FNDC3B: variants seen among roughly 807,000 people sequenced by gnomAD.
The protein encoded by FNDC3B is fibronectin type III domain containing 3B, also known as fibronectin type III domain-containing protein 3B.
A neutral mutation model predicts 151.5 loss-of-function variants in FNDC3B; 12 were observed. The observed-to-expected ratio is 0.08, with a 90% CI of 0.05 to 0.13. The LOEUF (loss-of-function observed/expected upper bound fraction) is 0.13. Among genes scored for constraint, FNDC3B ranks in the 10% least tolerant of loss-of-function variants. The pLI is 1.00. For synonymous variants in FNDC3B, 528 were observed against 549.0 expected, an observed-to-expected ratio of 0.96 and a Z score of 0.54; for missense variants, 1,214 against 1,505.3, an observed-to-expected ratio of 0.81 and a Z score of 3.20.
At chr3:172,161,855 A>G (rs917832354) in intron 3 of FNDC3B, among the ~76,000 whole-genome samples, 1 of 152,064 alleles carries the variant, frequency 6.6e-6, no homozygotes, top group African/African-American at 2.4e-5. Context: ...TGATTCCCCT[A>G]CATCCCCAGC....
chr3:172,365,714 A>C (rs1263508692), intron 23 of FNDC3B, among the ~76,000 whole-genome samples: 1 of 152,244 alleles, frequency 6.6e-6, no homozygotes, highest in African/African-American at 2.4e-5. Flanking sequence ...ACACTTTATA[A>C]ACAGGCATTG....
Position 172,343,095 on chromosome 3 carries a change from A to G in FNDC3B, c.2056A>G (p.Lys686Glu). The change falls in exon 18 of 26, where the codon AAA becomes GAA. Residue 686 changes from lysine (K) to glutamate (E), a missense_variant. Around this residue, in one of 7 missense-constraint regions of FNDC3B, gnomAD observed 380 missense variants for 420.9 expected, o/e 0.90. Coordinates refer to ENST00000415807, the MANE Select transcript of FNDC3B (RefSeq NM_022763.4). ...GAGGGTTTTGGGTAGACCAAAGCAC[A>G]AAGAAGTCCACTTAGAGTGGGGTGA... ...PPRVLGRPKHKEVHLEWDVPA... is the reference protein window; with the variant it reads ...PPRVLGRPKHEEVHLEWDVPA... The G allele has an allele frequency of 6.2e-7, 1 of 1,604,606 alleles. No homozygotes were observed. Among genetic ancestry groups the G allele is most frequent in the African/African-American group, 1.3e-5 (1 of 74,870 alleles).
intron 1 of FNDC3B, among the ~76,000 whole-genome samples, chr3:172,057,264 C>T (rs956602929): frequency 6.6e-6 from 1 of 152,176 alleles, no homozygotes; most frequent in Non-Finnish European, 1.5e-5. Flanking sequence ...CTCTGGGTCA[C>T]CACTGCAGAC....
At chr3:172,362,966 C>A (rs1734438231) in intron 23 of FNDC3B, 121 bp downstream of exon 23, 6 of 755,652 alleles carry the variant, frequency 7.9e-6, no homozygotes, top group Non-Finnish European at 1.3e-5. Flanking sequence ...CAGAGGCTTC[C>A]TTTGACTTGA....
In FNDC3B at chr3:172,148,870, C is replaced by T. The variant is rs139910576; in HGVS notation, c.187+15324C>T. On this transcript the variant is annotated intron_variant, in intron 3 of 25. Transcript: ENST00000415807. ...ATCAGCAATTAACATTCCTCAGAAG[C>T]GAATAGAATGCCAGGCTCCATCTCA... 2.5e-3 allele frequency among the ~76,000 whole-genome samples: 383 copies of T among 152,216 alleles called. 4 individuals carry two copies. Among genetic ancestry groups the T allele is most frequent in the African/African-American group, 8.9e-3 (370 of 41,520 alleles).
At chr3:172,161,900 AGAGTTGCT>A (rs1427287723) in intron 3 of FNDC3B, among the ~76,000 whole-genome samples, 1 of 151,870 alleles carries the variant, frequency 6.6e-6, no homozygotes, top group Non-Finnish European at 1.5e-5. Context: ...CTATCTTTAG[AGAGTTGCT>A]TATTCTGTCT....
At chr3:172,126,108 CAAAAG>C (rs1406592384) in intron 2 of FNDC3B, among the ~76,000 whole-genome samples, 1 of 151,966 alleles carries the variant, frequency 6.6e-6, no homozygotes, top group Non-Finnish European at 1.5e-5. Flanking sequence ...TGTATATAAA[CAAAAG>C]AAGTCACAGT....
intron 19 of FNDC3B, among the ~76,000 whole-genome samples, chr3:172,345,520 T>G (rs1362552402): frequency 6.6e-6 from 1 of 152,162 alleles, no homozygotes; most frequent in African/African-American, 2.4e-5. Flanking sequence ...TGAGGTCCAT[T>G]TCAGAGAGCT....
At chr3:172,300,841 C>G (rs866718507) in intron 9 of FNDC3B, among the ~76,000 whole-genome samples, 1 of 152,180 alleles carries the variant, frequency 6.6e-6, no homozygotes, top group Non-Finnish European at 1.5e-5. Flanking sequence ...ATAAAAACGT[C>G]TATAGTCCAG....
rs1352300549 is a variant in FNDC3B at position 172,050,297 on chromosome 3, G to C, written c.-29+10526G>C. On this transcript the variant is annotated intron_variant, in intron 1 of 25. Coordinates refer to ENST00000415807, the MANE Select transcript of FNDC3B (RefSeq NM_022763.4). ...TACATACCATTTACTACCACAAAAT[G>C]TTTACCATTCATTCCAGAACTCCTG... 2.0e-5 allele frequency among the ~76,000 whole-genome samples: 3 copies of C among 152,048 alleles called. No individual in the cohort carries two copies. The East Asian group carries it at 5.8e-4, about 29-fold the overall frequency.
chr3:172,297,466 A>AT (rs1485138113), intron 8 of FNDC3B, among the ~76,000 whole-genome samples: 1 of 149,866 alleles, frequency 6.7e-6, no homozygotes, highest in Non-Finnish European at 1.5e-5. Flanking sequence ...CTCAATCCAC[A>AT]TTTTTTTCCA....
intron 10 of FNDC3B, among the ~76,000 whole-genome samples, chr3:172,309,021 C>A (rs1201645461): frequency 6.6e-6 from 1 of 152,194 alleles, no homozygotes; most frequent in African/African-American, 2.4e-5. Context: ...AGGTCTCAGG[C>A]AGACCAGCAA....
At chr3:172,042,149 TAGG>T (rs1207750969) in intron 1 of FNDC3B, among the ~76,000 whole-genome samples, 2 of 152,186 alleles carry the variant, frequency 1.3e-5, no homozygotes, top group Non-Finnish European at 2.9e-5. Context: ...CATCATGAAA[TAGG>T]AGGTTGTAGC....
intron 3 of FNDC3B, among the ~76,000 whole-genome samples, chr3:172,151,363 A>G (rs1377361931): frequency 6.6e-6 from 1 of 152,234 alleles, no homozygotes; most frequent in Non-Finnish European, 1.5e-5. Context: ...ATTAAAAACT[A>G]CATAACCCAG....
In FNDC3B at chr3:172,352,885, C is replaced by G; in HGVS notation, c.2597C>G (p.Thr866Ser). Reference protein sequence around the residue: ...TPASAPDPVSTLCVLEEEPLD... With the variant: ...TPASAPDPVSSLCVLEEEPLD... ...GCGTCTGCCCCTGACCCCGTCTCCA[C>G]TCTCTGTGTCCTGGAGGAGGAGCCC... The change falls in exon 22 of 26, where the codon ACT (threonine) becomes AGT (serine). Residue 866 changes from threonine to serine, a missense_variant. Thr to Ser is a moderately conservative substitution (Grantham distance 58, BLOSUM62 1). This residue lies in a region of FNDC3B where 380 missense variants were observed against 420.9 expected (regional missense o/e 0.90). Coordinates refer to ENST00000415807, the MANE Select transcript of FNDC3B (RefSeq NM_022763.4). This position sits in a 1 kb window ranked among gnomAD's most constrained non-coding sequence, Gnocchi z 4.2. The G allele has an allele frequency of 6.2e-7, 1 of 1,614,228 alleles. No individual in the cohort carries two copies. Among genetic ancestry groups the G allele is most frequent in the Non-Finnish European group, 8.5e-7 (1 of 1,180,030 alleles).
At chr3:172,379,394 A>G (rs978063951) in intron 24 of FNDC3B, among the ~76,000 whole-genome samples, 7 of 152,218 alleles carry the variant, frequency 4.6e-5, no homozygotes, top group African/African-American at 1.7e-4. Flanking sequence ...CTACTCCCAC[A>G]TGAAGGAGGT....
intron 1 of FNDC3B, among the ~76,000 whole-genome samples, chr3:172,072,070 C>A (rs1717807819): frequency 6.7e-6 from 1 of 150,282 alleles, no homozygotes; most frequent in African/African-American, 2.5e-5. Flanking sequence ...CCTTCATTTT[C>A]TTCAATGAAA....
At chr3:172,085,891 A>T (rs966667124) in intron 1 of FNDC3B, among the ~76,000 whole-genome samples, 1 of 152,206 alleles carries the variant, frequency 6.6e-6, no homozygotes, top group Non-Finnish European at 1.5e-5. Context: ...TGTTTCTCAG[A>T]TACAGTATTA....
chr3:172,223,203 A>G (rs1202833763), intron 3 of FNDC3B, among the ~76,000 whole-genome samples: 4 of 152,236 alleles, frequency 2.6e-5, no homozygotes, highest in Non-Finnish European at 2.9e-5. Context: ...AGATTGGGAA[A>G]TAAATGTTTA....
Sources: gnomAD v4.1 joint callset for allele counts (sites outside exome capture counted in the v4.1 genomes callset) on GRCh38, gnomAD v4.1.1 for gene constraint, gnomAD v4.1.1 regional missense constraint, Gnocchi (gnomAD v3.1) non-coding constraint, MANE v1.5 for transcripts, NCBI Gene and HGNC (gene_info 2026-07-23, HGNC 2026-07-21) for gene names.